The following TRPM5 variants were observed in gnomAD, a reference collection of about 807,000 sequenced individuals.
TRPM5 encodes transient receptor potential cation channel subfamily M member 5.
In TRPM5, 121 loss-of-function variants were observed where a neutral mutation model predicts 124.9. The observed-to-expected ratio is 0.97, with a 90% CI of 0.84 to 1.13. TRPM5 has a LOEUF of 1.13. Among genes scored for constraint, TRPM5 ranks in the 50% most tolerant of loss-of-function variants. The probability of loss-of-function intolerance (pLI) is 0.00; values close to 1 mark genes in which losing one functional copy is unlikely to be tolerated. For missense variants in TRPM5, 1,643 were observed against 1,589.1 expected, an observed-to-expected ratio of 1.03 and a Z score of -0.58; for synonymous variants, 781 against 700.5, an observed-to-expected ratio of 1.11 and a Z score of -1.81.
chr11:2,408,252 C>CG, intron 18 of TRPM5, among the ~76,000 whole-genome samples: 1 of 152,118 alleles, frequency 6.6e-6, no homozygotes, highest in East Asian at 1.9e-4. Context: ...AGAGGGGTCA[C>CG]GGGACCCAGG....
exon 18 of TRPM5, chr11:2,411,406 G>A (rs1482667228): frequency 6.2e-7 from 1 of 1,611,998 alleles, no homozygotes; most frequent in Non-Finnish European, 8.5e-7. Context: ...GGCCGGTAGA[G>A]CACCCGGCGG....
chr11:2,425,054 C>A (rs142494973), upstream of TRPM5, among the ~76,000 whole-genome samples: 1 of 152,214 alleles, frequency 6.6e-6, no homozygotes, highest in Non-Finnish European at 1.5e-5. Context: ...GATTTGAATA[C>A]GGCCTCCCGC....
At chr11:2,422,381 A>G (rs1845785331) in intron 1 of TRPM5, 60 bp from the exon 7 acceptor site, 2 of 991,452 alleles carry the variant, frequency 2.0e-6, no homozygotes, top group South Asian at 1.9e-5. Flanking sequence ...GCTGCTGGGC[A>G]TTGGGGGGGG....
chr11:2,406,830 A>T (rs754039126), intron 20 of TRPM5, 37 bp from the exon 26 acceptor site: 1 of 1,592,696 alleles, frequency 6.3e-7, no homozygotes, highest in East Asian at 2.2e-5. Context: ...TTACTAGAGC[A>T]TGTGGGCGTC....
At chr11:2,411,415 G>A (rs749433565) in exon 18 of TRPM5, 13 of 1,612,074 alleles carry the variant, frequency 8.1e-6, no homozygotes, top group East Asian at 4.5e-5. Context: ...AGCACCCGGC[G>A]GAAGATCCAC....
rs564361216 is a variant in TRPM5 at position 2,414,089 on chromosome 11, T to C, written c.1862A>G (p.Lys621Arg). The C allele has an allele frequency of 5.4e-5, 81 of 1,507,924 alleles. No homozygotes were observed. The African/African-American group carries it at 1.0e-3, about 20-fold the overall frequency. 93.4% of individuals were successfully genotyped at this position (1,507,924 alleles called of 1,614,324 possible). A position where few individuals can be genotyped will look rare whatever the true frequency, so the allele number is the denominator to read the frequency against. ...AACGCCGTCGTGGGCAAAGAAGGCC[T>C]TGGCGTCAGCCTCGGTGGCCAGGTG... is the stretch of plus-strand genomic sequence containing the variant. The change falls in exon 12 of 24, where the codon AAG (lysine) becomes AGG (arginine). Residue 621 changes from lysine to arginine, a missense_variant. Physicochemically the swap from Lys to Arg is conservative, Grantham distance 26 (BLOSUM62 2). Coordinates refer to ENST00000155858, the Ensembl canonical transcript of TRPM5.
chr11:2,423,170 C>T, upstream of TRPM5: 1 of 701,124 alleles, frequency 1.4e-6, no homozygotes, highest in South Asian at 1.8e-5. Flanking sequence ...ACAAGGAGAC[C>T]TGGGGACTGC....
upstream of TRPM5, among the ~76,000 whole-genome samples, chr11:2,427,299 T>C (rs1429591084): frequency 6.6e-6 from 1 of 152,190 alleles, no homozygotes; most frequent in Non-Finnish European, 1.5e-5. Flanking sequence ...ACCTGGGCTG[T>C]CAGCGGTGTG....
exon 9 of TRPM5, chr11:2,415,355 C>A: frequency 6.3e-7 from 1 of 1,586,102 alleles, no homozygotes; most frequent in Non-Finnish European, 8.5e-7. Flanking sequence ...AGAGCTCCTG[C>A]AGCCGCCCAT....
chr11:2,413,114 C>A lies in TRPM5; in HGVS notation c.2096+20G>T, dbSNP rs368087085. On this transcript the variant is annotated intron_variant, in intron 14 of 23. Coordinates refer to ENST00000155858, the Ensembl canonical transcript of TRPM5. ...CCACCCGCCAGTCCCCTCCACCCTG[C>A]CTGGCCCTGTGCCTCGCACCGGCTC... is the stretch of plus-strand genomic sequence containing the variant. 439 of 1,552,590 alleles carry A rather than the reference C, an allele frequency of 2.8e-4. 1 individual carries two copies. In the South Asian group the frequency reaches 4.0e-3, roughly 14 times the overall value.
rs1850529058 is a variant in TRPM5, at chr11:2,414,709, A to G, written c.1744+6T>C. On this transcript the variant is annotated splice_donor_region_variant and intron_variant, in intron 11 of 23. Coordinates refer to ENST00000155858, the Ensembl canonical transcript of TRPM5. ...GCGGGCCCGGCCCCAGCCGCCGGTC[A>G]CTCACCAAGGGCCAGCCGCTCGTAT... is the stretch of plus-strand genomic sequence containing the variant. 6.5e-7 allele frequency: 1 copy of G among 1,530,772 alleles called. No homozygotes were observed. The highest frequency in any genetic ancestry group is 2.0e-5 in the Admixed American group (1 of 49,804). The allele number at this position is 1,530,772 out of a possible 1,614,324, so 94.8% of individuals were successfully genotyped here. A position where few individuals can be genotyped will look rare whatever the true frequency, so the allele number is the denominator to read the frequency against.
Position 2,414,684 on chromosome 11 carries a change from G to A in TRPM5, c.1744+31C>T, listed in dbSNP as rs762690862. On this transcript the variant is annotated intron_variant, in intron 11 of 23. Transcript: ENST00000155858. Reference sequence around the variant, plus strand: ...CCCTCCGTCACATCCTCCCCCGCGCGCGGGCCCGGCCCCAGCCGCCGGTCA... The same window carrying A: ...CCCTCCGTCACATCCTCCCCCGCGCACGGGCCCGGCCCCAGCCGCCGGTCA... 19 of 1,513,182 alleles carry A rather than the reference G, an allele frequency of 1.3e-5. 1 individual carries two copies. Among genetic ancestry groups the A allele is most frequent in the Admixed American group, 4.2e-5 (2 of 47,988 alleles). 93.7% of individuals were successfully genotyped at this position (1,513,182 alleles called of 1,614,324 possible).
At chr11:2,444,014 G>A in the TRPM5 span, among the ~76,000 whole-genome samples, 1 of 152,096 alleles carries the variant, frequency 6.6e-6, no homozygotes, top group African/African-American at 2.4e-5. Flanking sequence ...CTAGGGTGGC[G>A]CAAGCGCCTC....
chr11:2,432,886 CG>C, the TRPM5 span, among the ~76,000 whole-genome samples: 7 of 152,204 alleles, frequency 4.6e-5, no homozygotes, highest in African/African-American at 1.7e-4. Context: ...TCTGACCCCT[CG>C]GGGGGCAGCC....
At chr11:2,406,626 C>T (rs753395638) in intron 21 of TRPM5, 35 bp downstream of exon 26, 96 of 1,571,732 alleles carry the variant, frequency 6.1e-5, no homozygotes, top group Admixed American at 3.5e-4. Flanking sequence ...AAAGACAGCC[C>T]GATACCCACC....
In TRPM5 at chr11:2,415,476, G is replaced by A. The variant is rs1164170192; in HGVS notation, c.1129-5C>T. ...CACCTCCTCCAGGTCACAGGACTTGGCGGCCATGGGCACCCGAGGGAAGGG... is the reference window on the plus strand; with the variant it reads ...CACCTCCTCCAGGTCACAGGACTTGACGGCCATGGGCACCCGAGGGAAGGG... On this transcript the variant is annotated splice_region_variant and splice_polypyrimidine_tract_variant and intron_variant, in intron 8 of 23. Coordinates refer to ENST00000155858, the Ensembl canonical transcript of TRPM5. 1.3e-6 allele frequency: 2 copies of A among 1,545,248 alleles called. No homozygotes were observed. The highest frequency in any genetic ancestry group is 1.4e-5 in the African/African-American group (1 of 73,234).
At position 2,420,212 on chromosome 11, in the gene TRPM5, C is replaced by T. The variant is rs769153625; in HGVS notation, c.649+10G>A. On this transcript the variant is annotated intron_variant, in intron 4 of 23. Transcript: ENST00000155858. ...CCAAGGCTTCCCTGGGTGGCTGGGG[C>T]GGGTCTCACCCCCGTAGCCCGCCCT... The T allele has an allele frequency of 8.8e-6, 14 of 1,582,528 alleles. No homozygotes were observed. Among genetic ancestry groups the T allele is most frequent in the East Asian group, 2.2e-5 (1 of 44,620 alleles).
upstream of TRPM5, among the ~76,000 whole-genome samples, chr11:2,423,987 G>A (rs981207444): frequency 6.6e-6 from 1 of 152,148 alleles, no homozygotes; most frequent in South Asian, 2.1e-4. Context: ...CTGGCAGGCC[G>A]AGGGCACCTG....
chr11:2,404,708 C>G (rs544409118), exon 24 of TRPM5: 1 of 537,154 alleles, frequency 1.9e-6, no homozygotes. Flanking sequence ...GGAGTTGTGC[C>G]TGTCAGGGGA....
Sources: gnomAD v4.1 joint callset for allele counts (sites outside exome capture counted in the v4.1 genomes callset) on GRCh38, gnomAD v4.1.1 for gene constraint, MANE v1.5 for transcripts, NCBI Gene and HGNC (gene_info 2026-07-23, HGNC 2026-07-21) for gene names.